The following ZNF540 variants were observed in gnomAD, a reference collection of about 807,000 sequenced individuals.
ZNF540 encodes the protein zinc finger protein 540, also known as CTD-3064H18.6.
ZNF540 carries 3 observed loss-of-function variants against 11.8 expected under a neutral mutation model. The ratio of observed to expected loss-of-function variants is 0.25; its 90% CI spans 0.12 to 0.65. The LOEUF (loss-of-function observed/expected upper bound fraction) is 0.65, where lower values mean the gene tolerates loss of function less well. Among genes scored for constraint, ZNF540 ranks in the 30% least tolerant of loss-of-function variants. The pLI, the probability that ZNF540 is intolerant of heterozygous loss-of-function variation, is 0.83. For missense variants in ZNF540, 709 were observed against 793.1 expected (o/e 0.89, Z 1.27); for synonymous variants, 247 against 259.0 (o/e 0.95, Z 0.45).
At chr19:37,568,143 G>T (rs1250180564) in intron 1 of ZNF540, among the ~76,000 whole-genome samples, 1 of 152,116 alleles carries the variant, frequency 6.6e-6, no homozygotes, top group Non-Finnish European at 1.5e-5. Context: ...GCAGGCACAG[G>T]GTCTCTGACC....
intron 4 of ZNF540, 112 bp downstream of exon 4, chr19:37,601,217 C>T (rs892413997): frequency 1.0e-4 from 83 of 823,848 alleles, no homozygotes; most frequent in South Asian, 1.7e-4. Flanking sequence ...TCTCAGAGGC[C>T]TCAGGCCTTT....
chr19:37,612,052 C>G lies in ZNF540; in HGVS notation c.772C>G (p.Leu258Val), dbSNP rs763618474. Residue 258 changes from leucine (L) to valine (V), a missense_variant, in exon 5 of 5, where the codon CTT becomes GTT. By Grantham distance (32) the Leu-to-Val change is conservative. Coordinates refer to ENST00000316433, the MANE Select transcript of ZNF540 (RefSeq NM_001172225.3). ...GAAGACCTTTACTCTTTACCCACAA[C>G]TTAATCGACATCAGAAAATTCACAC... The part of the protein sequence containing the change: ...CGKTFTLYPQ[L>V]NRHQKIHTGK... The G allele has an allele frequency of 6.2e-7, 1 of 1,612,324 alleles. No homozygotes were observed. Among genetic ancestry groups the G allele is most frequent in the South Asian group, 1.1e-5 (1 of 90,752 alleles).
chr19:37,598,423 G>C lies in ZNF540; in HGVS notation c.-25G>C, dbSNP rs746520224. The C allele has an allele frequency of 2.4e-5, 38 of 1,613,536 alleles. No individual in the cohort carries two copies. Among genetic ancestry groups the C allele is most frequent in the African/African-American group, 2.7e-5 (2 of 74,898 alleles). ...CAGCAGAATAATCCTGCGGAAGACT[G>C]AGCAGTTCTTGTGAGTGTAAAACCA... On this transcript the variant is annotated 5_prime_UTR_variant, in exon 2 of 5. Transcript: ENST00000316433.
intron 4 of ZNF540, among the ~76,000 whole-genome samples, chr19:37,606,848 TTTTCA>T (rs1435213381): frequency 6.6e-6 from 1 of 152,188 alleles, no homozygotes; most frequent in African/African-American, 2.4e-5. Flanking sequence ...ATGGCATGTC[TTTTCA>T]TTTTCTTAAT....
intron 1 of ZNF540, among the ~76,000 whole-genome samples, chr19:37,581,362 C>T (rs2043453115): frequency 6.6e-6 from 1 of 152,120 alleles, no homozygotes; most frequent in African/African-American, 2.4e-5. Context: ...TCTTAAAGCA[C>T]ACTTTCAAGC....
intron 1 of ZNF540, among the ~76,000 whole-genome samples, chr19:37,572,473 A>G (rs2043096854): frequency 6.6e-6 from 1 of 152,180 alleles, no homozygotes; most frequent in South Asian, 2.1e-4. Flanking sequence ...GCCATTATCC[A>G]AATAGGATCT....
intron 4 of ZNF540, among the ~76,000 whole-genome samples, chr19:37,603,630 A>G (rs1424302881): frequency 1.3e-5 from 2 of 151,982 alleles, no homozygotes; most frequent in Non-Finnish European, 1.5e-5. Flanking sequence ...TTGCATCTCA[A>G]TAGCTCGTTC....
intron 4 of ZNF540, among the ~76,000 whole-genome samples, chr19:37,602,740 G>A (rs981824980): frequency 6.6e-6 from 1 of 152,156 alleles, no homozygotes; most frequent in African/African-American, 2.4e-5. Context: ...GTTTCAAGTG[G>A]AAGGGAGTAG....
intron 4 of ZNF540, among the ~76,000 whole-genome samples, chr19:37,610,540 C>T (rs1600564833): frequency 6.6e-6 from 1 of 152,284 alleles, no homozygotes; most frequent in Admixed American, 6.5e-5. Flanking sequence ...ATTTAACCAA[C>T]CATTAAGAAT....
Position 37,599,688 on chromosome 19 carries a change from C to T in ZNF540, c.72C>T (p.Asp24=), listed in dbSNP as rs776031371. ...CTCAGAAGGAATGGGAGTGCCTGGA[C>T]ACTACCCAGAGGAAATTGTACAGAG... The part of the protein sequence containing the change: ...DFSQKEWECL[D]TTQRKLYRDV... Residue 24 remains aspartate, a synonymous_variant, in exon 3 of 5, where the codon GAC becomes GAT. Transcript: ENST00000316433. 1.2e-6 allele frequency: 2 copies of T among 1,613,564 alleles called. No homozygotes were observed. Among genetic ancestry groups the T allele is most frequent in the Admixed American group, 1.7e-5 (1 of 59,994 alleles).
chr19:37,556,332 A>G (rs768708754), intron 1 of ZNF540, among the ~76,000 whole-genome samples: 4 of 152,190 alleles, frequency 2.6e-5, no homozygotes, highest in Non-Finnish European at 5.9e-5. Flanking sequence ...GATAAAAAGA[A>G]TTAATCTAAT....
intron 1 of ZNF540, among the ~76,000 whole-genome samples, chr19:37,576,175 T>G (rs2043236516): frequency 6.6e-6 from 1 of 152,200 alleles, no homozygotes; most frequent in Non-Finnish European, 1.5e-5. Flanking sequence ...TTACTAAATT[T>G]ACTAAAAAAT....
chr19:37,567,378 A>G (rs2042897591), intron 1 of ZNF540, among the ~76,000 whole-genome samples: 1 of 152,200 alleles, frequency 6.6e-6, no homozygotes, highest in African/African-American at 2.4e-5. Context: ...CATAAAACAC[A>G]AAGTTTGAGA....
At chr19:37,581,458 C>A (rs1471111435) in intron 1 of ZNF540, among the ~76,000 whole-genome samples, 1 of 150,032 alleles carries the variant, frequency 6.7e-6, no homozygotes, top group African/African-American at 2.5e-5. Context: ...CCATTTCTTT[C>A]TTTCTTTCTT....
chr19:37,609,854 TAAAG>T (rs1340369573), intron 4 of ZNF540, among the ~76,000 whole-genome samples: 16 of 144,982 alleles, frequency 1.1e-4, no homozygotes, highest in Middle Eastern at 3.5e-3. Context: ...TCTCAAAAAA[TAAAG>T]AAAGAAAGAA....
At chr19:37,560,496 C>G (rs370093279) in intron 1 of ZNF540, 4 of 151,348 alleles carry the variant, frequency 2.6e-5, no homozygotes, top group Non-Finnish European at 5.9e-5. Context: ...CTCAGCCTCC[C>G]GAGTAGCTGA....
intron 1 of ZNF540, chr19:37,586,855 G>A: frequency 1.5e-6 from 1 of 671,390 alleles, no homozygotes; most frequent in Non-Finnish European, 2.6e-6. Flanking sequence ...AAAAATCTCA[G>A]TTCTTCCACA....
At chr19:37,588,859 AAC>A (rs1314692409) in intron 1 of ZNF540, among the ~76,000 whole-genome samples, 2 of 152,224 alleles carry the variant, frequency 1.3e-5, no homozygotes, top group Non-Finnish European at 2.9e-5. Flanking sequence ...CCCATTTTAT[AAC>A]ACATACCCAA....
intron 1 of ZNF540, chr19:37,565,905 T>TA: frequency 3.7e-6 from 6 of 1,613,894 alleles, no homozygotes; most frequent in Non-Finnish European, 5.1e-6. Context: ...TTGCTAAAGG[T>TA]ATTCCTGTGT....
Sources: gnomAD v4.1 joint callset for allele counts (sites outside exome capture counted in the v4.1 genomes callset) on GRCh38, gnomAD v4.1.1 for gene constraint, MANE v1.5 for transcripts, NCBI Gene and HGNC (gene_info 2026-07-23, HGNC 2026-07-21) for gene names.